Variants in POLE observed in about 807,000 individuals in gnomAD.
The protein encoded by POLE is DNA polymerase epsilon catalytic subunit A.
A neutral mutation model predicts 279.2 loss-of-function variants in POLE; 188 were observed. The ratio of observed to expected loss-of-function variants is 0.67; its 90% CI spans 0.60 to 0.76. POLE has a LOEUF of 0.76. POLE is among the 30% of genes least tolerant of loss of function. The pLI is 0.00. For synonymous variants in POLE, 1,214 were observed against 1,172.5 expected, an observed-to-expected ratio of 1.04 and a Z score of -0.72; for missense variants, 2,703 against 3,016.7, an observed-to-expected ratio of 0.90 and a Z score of 2.44.
chr12:132,675,309 T>C lies in POLE; in HGVS notation c.1226+89A>G, dbSNP rs972816749. 20 of 1,441,690 alleles carry C rather than the reference T, an allele frequency of 1.4e-5. No homozygotes were observed. The highest frequency in any genetic ancestry group is 1.8e-5 in the Non-Finnish European group (19 of 1,058,300). The allele number at this position is 1,441,690 out of a possible 1,614,324, so 89.3% of individuals were successfully genotyped here. A position where few individuals can be genotyped will look rare whatever the true frequency, so the allele number is the denominator to read the frequency against. ...CCTCTCGGAGGCCACCCTCCTCCCA[T>C]GAGATGTGGTGACAGCACAGTCTGC... On this transcript the variant is annotated intron_variant, in intron 12 of 48. Transcript: ENST00000320574. The surrounding 1 kb of genome is among the most constrained non-coding windows in gnomAD (Gnocchi z 4.3).
chr12:132,667,700 AG>A, intron 19 of POLE, 52 bp from the exon 20 acceptor site: 1 of 1,595,152 alleles, frequency 6.3e-7, no homozygotes. Context: ...CCCAGAGCAG[AG>A]GGAGCCAGGG....
chr12:132,687,237 AG>A lies in POLE; in HGVS notation c.62+16del. 1 of 1,472,660 alleles carries A rather than the reference AG, an allele frequency of 6.8e-7. No homozygotes were observed. Among genetic ancestry groups the A allele is most frequent in the Non-Finnish European group, 9.0e-7 (1 of 1,111,396 alleles). The allele number at this position is 1,472,660 out of a possible 1,614,324, so 91.2% of individuals were successfully genotyped here. A position where few individuals can be genotyped will look rare whatever the true frequency, so the allele number is the denominator to read the frequency against. On this transcript the variant is annotated intron_variant, in intron 1 of 48. Coordinates refer to ENST00000320574, the MANE Select transcript of POLE (RefSeq NM_006231.4). Reference sequence around the variant, plus strand: ...TCCGGAGGGCCGGCCCGAGAGCCTCAGGAGGGCGCCCCTCACCTGCTGGCCT... The same window carrying A: ...TCCGGAGGGCCGGCCCGAGAGCCTCAGAGGGCGCCCCTCACCTGCTGGCCT...
At chr12:132,637,803 A>C (rs549109639) in intron 41 of POLE, among the ~76,000 whole-genome samples, 5 of 152,228 alleles carry the variant, frequency 3.3e-5, no homozygotes, top group Non-Finnish European at 7.3e-5. Context: ...GAACTTGCCC[A>C]ACTCAAGCTG....
chr12:132,681,998 A>G (rs2043177005), intron 1 of POLE, among the ~76,000 whole-genome samples: 1 of 152,208 alleles, frequency 6.6e-6, no homozygotes, highest in Non-Finnish European at 1.5e-5. Flanking sequence ...CAGCCTGGCC[A>G]GCATGGTGAA....
In POLE at chr12:132,649,636, G is replaced by C. The variant is rs1030543001; in HGVS notation, c.3795+41C>G. On this transcript the variant is annotated intron_variant, in intron 30 of 48. Transcript: ENST00000320574. ...CATCTCGGGCTCCCTGGGCTGTGCA[G>C]ACCCCTCAGAGACAGACAGTATCAC... 5.6e-6 allele frequency: 9 copies of C among 1,609,450 alleles called. No individual in the cohort carries two copies. In the Admixed American group the frequency reaches 1.3e-4, roughly 24 times the overall value.
chr12:132,637,763 A>C (rs1269267607), intron 41 of POLE, among the ~76,000 whole-genome samples: 3 of 152,240 alleles, frequency 2.0e-5, no homozygotes, highest in African/African-American at 7.2e-5. Flanking sequence ...ATCACTGTGG[A>C]ACCTTCTTAG....
intron 45 of POLE, among the ~76,000 whole-genome samples, chr12:132,626,812 T>C (rs775826899): frequency 2.6e-5 from 4 of 152,250 alleles, no homozygotes; most frequent in African/African-American, 9.6e-5. Flanking sequence ...AGAAAAAGAA[T>C]AGTCTTTTCA....
rs2136010279 is a variant in POLE, at chr12:132,675,669, C to T, written c.1106+66G>A. On this transcript the variant is annotated intron_variant, in intron 11 of 48. Coordinates refer to ENST00000320574, the MANE Select transcript of POLE (RefSeq NM_006231.4). This position sits in a 1 kb window ranked among gnomAD's most constrained non-coding sequence, Gnocchi z 4.3. ...TCCTAAGTCGACATGGGAAGCGCCC[C>T]TGCACCACGCAACGCCCTCCCTCTC... 1 of 1,565,124 alleles carries T rather than the reference C, an allele frequency of 6.4e-7. No homozygotes were observed.
At chr12:132,672,462 C>G (rs915512191) in intron 15 of POLE, 140 bp from the exon 16 acceptor site, 1 of 1,021,406 alleles carries the variant, frequency 9.8e-7, no homozygotes, top group Non-Finnish European at 1.5e-6. Flanking sequence ...CTGCAGTGCA[C>G]TGCCCTAAAG....
chr12:132,663,557 G>T (rs775645829), intron 23 of POLE, among the ~76,000 whole-genome samples: 25 of 152,236 alleles, frequency 1.6e-4, no homozygotes, highest in Admixed American at 3.3e-4. Flanking sequence ...TCGGCGCCAC[G>T]TGGGTCCTTG....
chr12:132,630,092 G>A (rs1214510499), intron 45 of POLE, among the ~76,000 whole-genome samples: 4 of 152,176 alleles, frequency 2.6e-5, no homozygotes, highest in African/African-American at 4.8e-5. Flanking sequence ...CTATGCGCAC[G>A]GTTCATGGCG....
intron 6 of POLE, among the ~76,000 whole-genome samples, chr12:132,678,650 C>T (rs2043107547): frequency 6.6e-6 from 1 of 152,096 alleles, no homozygotes; most frequent in South Asian, 2.1e-4. Context: ...CAGGCATGAC[C>T]ATCCCACCAT....
rs2042104737 is a variant in POLE, at chr12:132,639,778, C to A, written c.5379-480G>T. Among the ~76,000 whole-genome samples the A allele has an allele frequency of 6.6e-6, 1 of 152,094 alleles. No individual in the cohort carries two copies. The highest frequency in any genetic ancestry group is 2.4e-5 in the African/African-American group (1 of 41,402). ...ACCAACCTGGCCAACATGGTGAAAC[C>A]CCGTCTCTATTAAAAATACAAAAAT... On this transcript the variant is annotated intron_variant, in intron 39 of 48. Transcript: ENST00000320574. This position sits in a 1 kb window ranked among gnomAD's most constrained non-coding sequence, Gnocchi z 4.7.
rs536720479 is a variant in POLE, at chr12:132,678,115, T to C, written c.579-396A>G. ...ATCACTTGAACCCAGGAGGCGGAGG[T>C]TGCAGTGAACCCAGATTGCGCCACT... On this transcript the variant is annotated intron_variant, in intron 6 of 48. Coordinates refer to ENST00000320574, the MANE Select transcript of POLE (RefSeq NM_006231.4). 4.0e-4 allele frequency among the ~76,000 whole-genome samples: 60 copies of C among 151,882 alleles called. No individual in the cohort carries two copies. The South Asian group carries it at 0.011, about 29-fold the overall frequency.
intron 32 of POLE, among the ~76,000 whole-genome samples, chr12:132,645,443 C>A (rs1478384749): frequency 2.0e-5 from 3 of 152,182 alleles, no homozygotes; most frequent in Non-Finnish European, 4.4e-5. Flanking sequence ...CATGAACCAG[C>A]AGCACAAGTC....
rs757631310 is a variant in POLE at position 132,675,722 on chromosome 12, G to C, written c.1106+13C>G. On this transcript the variant is annotated intron_variant, in intron 11 of 48. Coordinates refer to ENST00000320574, the MANE Select transcript of POLE (RefSeq NM_006231.4). This position sits in a 1 kb window ranked among gnomAD's most constrained non-coding sequence, Gnocchi z 4.3. ...ATGCTGCCCAGTTACTCATAGAGAAGACACAGACTCACCAGTCAAAAAAGT... is the reference window on the plus strand; with the variant it reads ...ATGCTGCCCAGTTACTCATAGAGAACACACAGACTCACCAGTCAAAAAAGT... 8.7e-6 allele frequency: 14 copies of C among 1,610,522 alleles called. No homozygotes were observed. Among genetic ancestry groups the C allele is most frequent in the Non-Finnish European group, 1.2e-5 (14 of 1,176,888 alleles).
At chr12:132,674,337 C>T (rs1263059130) in intron 12 of POLE, among the ~76,000 whole-genome samples, 3 of 152,004 alleles carry the variant, frequency 2.0e-5, no homozygotes, top group Non-Finnish European at 4.4e-5. Context: ...CTCACTTTAC[C>T]TCTTGCCTTC....
chr12:132,676,287 C>T, intron 9 of POLE, 83 bp from the exon 10 acceptor site: 1 of 912,394 alleles, frequency 1.1e-6, no homozygotes, highest in Non-Finnish European at 1.8e-6. Flanking sequence ...ACACACTCTG[C>T]CTAGAGATTC....
chr12:132,666,679 G>A (rs963477154), intron 20 of POLE, among the ~76,000 whole-genome samples: 1 of 134,176 alleles, frequency 7.5e-6, no homozygotes. Context: ...GTGGAATTCA[G>A]AGAGAGAAAG....
Sources: allele counts gnomAD v4.1 joint callset (sites outside exome capture counted in the v4.1 genomes callset), GRCh38; gene constraint gnomAD v4.1.1; non-coding constraint Gnocchi (gnomAD v3.1); transcripts MANE v1.5; gene names NCBI Gene and HGNC (gene_info 2026-07-23, HGNC 2026-07-21).